Variants in ATXN7 observed in about 807,000 individuals in gnomAD.
ATXN7 encodes ataxin 7.
ATXN7 carries 12 observed loss-of-function variants against 70.5 expected under a neutral mutation model. That is an observed-to-expected ratio of 0.17 (90% CI 0.11 to 0.28). The LOEUF is 0.28. Among genes scored for constraint, ATXN7 ranks in the 10% least tolerant of loss-of-function variants. ATXN7 has a pLI of 1.00. For missense variants in ATXN7, 1,256 were observed against 1,131.7 expected (o/e 1.11, Z -1.58); for synonymous variants, 498 against 448.7 (o/e 1.11, Z -1.39).
chr3:63,995,570 C>A lies in ATXN7; in HGVS notation c.1748C>A (p.Ser583Tyr), dbSNP rs1210716898. Residue 583 changes from serine to tyrosine, a missense_variant, in exon 12 of 13, where the codon TCT (serine) becomes TAT (tyrosine). Ser to Tyr is a moderately radical substitution (Grantham distance 144). Coordinates refer to ENST00000674280, the MANE Select transcript of ATXN7 (RefSeq NM_001377405.1). The part of the protein sequence containing the change: ...ISTRIPHRTN[S>Y]VPTSQCGVSY... ...ACACGTATTCCTCACCGGACAAACTCTGTGCCGACATCACAATGTGGAGTC... is the reference window on the plus strand; with the variant it reads ...ACACGTATTCCTCACCGGACAAACTATGTGCCGACATCACAATGTGGAGTC... The A allele has an allele frequency of 5.6e-6, 9 of 1,614,226 alleles. No individual in the cohort carries two copies. Among genetic ancestry groups the A allele is most frequent in the Admixed American group, 1.7e-5 (1 of 60,034 alleles).
At chr3:63,957,821 G>C (rs1430886511) in intron 5 of ATXN7, among the ~76,000 whole-genome samples, 1 of 152,216 alleles carries the variant, frequency 6.6e-6, no homozygotes, top group Non-Finnish European at 1.5e-5. Flanking sequence ...ACCAGCTCAA[G>C]TTCTTGAATT....
intron 1 of ATXN7, among the ~76,000 whole-genome samples, 75 bp downstream of exon 1, chr3:63,864,233 G>A (rs1389568772): frequency 6.6e-6 from 1 of 150,758 alleles, no homozygotes; most frequent in African/African-American, 2.4e-5. Flanking sequence ...CGGGGTCCCG[G>A]CTTCTTCCCC....
chr3:63,893,437 G>T (rs576435174), intron 1 of ATXN7, among the ~76,000 whole-genome samples: 10 of 152,174 alleles, frequency 6.6e-5, no homozygotes, highest in Non-Finnish European at 1.2e-4. Context: ...GGAGAGATAG[G>T]CTCAAGATGG....
chr3:63,983,532 G>A (rs2075523155), intron 8 of ATXN7, among the ~76,000 whole-genome samples: 1 of 152,044 alleles, frequency 6.6e-6, no homozygotes, highest in Admixed American at 6.5e-5. Context: ...GTCCCAGCTA[G>A]TGGGGAGGCT....
chr3:63,937,265 G>C (rs749087117), intron 4 of ATXN7, among the ~76,000 whole-genome samples: 6 of 152,212 alleles, frequency 3.9e-5, no homozygotes, highest in Non-Finnish European at 8.8e-5. Flanking sequence ...CTTAGTAGGG[G>C]AAAAGAATAG....
intron 12 of ATXN7, chr3:63,998,451 C>A: frequency 1.0e-6 from 1 of 985,308 alleles, no homozygotes; most frequent in Non-Finnish European, 1.2e-6. Flanking sequence ...CCATCTTTGG[C>A]TCATGACCTG....
At chr3:63,965,637 T>C (rs1457115059) in intron 5 of ATXN7, among the ~76,000 whole-genome samples, 3 of 152,226 alleles carry the variant, frequency 2.0e-5, no homozygotes, top group Non-Finnish European at 4.4e-5. Context: ...AATATGACCA[T>C]GTCCCCAGAC....
At chr3:63,948,618 G>A (rs537616488) in intron 4 of ATXN7, among the ~76,000 whole-genome samples, 20 of 152,294 alleles carry the variant, frequency 1.3e-4, no homozygotes, top group African/African-American at 4.3e-4. Flanking sequence ...AATGGAGATA[G>A]CAACACCAAA....
intron 4 of ATXN7, among the ~76,000 whole-genome samples, chr3:63,932,638 T>C (rs1316854286): frequency 6.6e-6 from 1 of 152,224 alleles, no homozygotes; most frequent in Non-Finnish European, 1.5e-5. Flanking sequence ...TCTAAACTCC[T>C]TGGCTTTTTC....
At chr3:63,993,447 G>A (rs1246701385) in intron 11 of ATXN7, among the ~76,000 whole-genome samples, 3 of 148,026 alleles carry the variant, frequency 2.0e-5, no homozygotes, top group African/African-American at 5.0e-5. Flanking sequence ...GCGAGACTCC[G>A]TCTCAAAAAA....
chr3:63,894,942 TTTG>T (rs1054522119), intron 1 of ATXN7, among the ~76,000 whole-genome samples: 1 of 152,206 alleles, frequency 6.6e-6, no homozygotes, highest in Admixed American at 6.5e-5. Flanking sequence ...GGTTGTTTTT[TTTG>T]TTGTTGTTTT....
intron 4 of ATXN7, among the ~76,000 whole-genome samples, chr3:63,938,593 G>A (rs989732728): frequency 6.6e-6 from 1 of 152,198 alleles, no homozygotes; most frequent in Non-Finnish European, 1.5e-5. Context: ...GTACAATGTT[G>A]AGAGAAGTTG....
intron 4 of ATXN7, among the ~76,000 whole-genome samples, chr3:63,947,590 G>GA (rs138234658): frequency 0.023 from 3,507 of 151,752 alleles, 115 homozygotes; most frequent in East Asian, 0.14. Flanking sequence ...CTTGTGTCTG[G>GA]AAAAAAAAGT....
At chr3:63,892,495 CCACACACA>C (rs376915162) in intron 1 of ATXN7, among the ~76,000 whole-genome samples, 1 of 126,852 alleles carries the variant, frequency 7.9e-6, no homozygotes, top group Non-Finnish European at 1.7e-5. Context: ...ACACACACAC[CCACACACA>C]CACACACACA....
intron 11 of ATXN7, among the ~76,000 whole-genome samples, chr3:63,994,483 C>A (rs1283695101): frequency 6.6e-6 from 1 of 152,194 alleles, no homozygotes; most frequent in Non-Finnish European, 1.5e-5. Context: ...GATCCACCAG[C>A]CTCAGCCTCC....
At chr3:63,967,900 CA>C in intron 5 of ATXN7, 2 of 1,535,920 alleles carry the variant, frequency 1.3e-6, no homozygotes, top group Non-Finnish European at 1.7e-6. Flanking sequence ...GAAGCACAAC[CA>C]AATTCTGTGA....
At chr3:63,894,566 C>T (rs1199861195) in intron 1 of ATXN7, among the ~76,000 whole-genome samples, 3 of 152,128 alleles carry the variant, frequency 2.0e-5, no homozygotes, top group Non-Finnish European at 2.9e-5. Flanking sequence ...TTCTTTTGCC[C>T]CAGGCTGGAG....
chr3:63,974,667 T>C (rs1353636822), intron 5 of ATXN7, among the ~76,000 whole-genome samples: 1 of 152,244 alleles, frequency 6.6e-6, no homozygotes, highest in Non-Finnish European at 1.5e-5. Context: ...AGATAATCCA[T>C]GTAAATCCCG....
At chr3:63,960,933 C>A (rs919860554) in intron 5 of ATXN7, among the ~76,000 whole-genome samples, 2 of 151,716 alleles carry the variant, frequency 1.3e-5, no homozygotes, top group African/African-American at 4.9e-5. Flanking sequence ...ACTGTGTGCA[C>A]TTTCCTGGGA....
Sources: allele counts gnomAD v4.1 joint callset (sites outside exome capture counted in the v4.1 genomes callset), GRCh38; gene constraint gnomAD v4.1.1; transcripts MANE v1.5; gene names NCBI Gene and HGNC (gene_info 2026-07-23, HGNC 2026-07-21).